The following ITGA9 variants were observed in gnomAD, a reference collection of about 807,000 sequenced individuals.
ITGA9 encodes the protein integrin subunit alpha 9.
ITGA9 carries 56 observed loss-of-function variants against 127.8 expected under a neutral mutation model. The ratio of observed to expected loss-of-function variants is 0.44; its 90% CI spans 0.35 to 0.55. The LOEUF (loss-of-function observed/expected upper bound fraction) is 0.55, where lower values mean the gene tolerates loss of function less well. Among genes scored for constraint, ITGA9 ranks in the 20% least tolerant of loss-of-function variants. ITGA9 has a pLI of 0.00. For missense variants in ITGA9, 1,196 were observed against 1,347.1 expected (o/e 0.89, Z 1.76); for synonymous variants, 508 against 514.5 (o/e 0.99, Z 0.17).
At chr3:37,518,471 G>A (rs928332774) in intron 10 of ITGA9, among the ~76,000 whole-genome samples, 149 of 152,224 alleles carry the variant, frequency 9.8e-4, no homozygotes, top group African/African-American at 3.4e-3. Flanking sequence ...GGAGTTGCCA[G>A]TTTGTGAGAG....
In ITGA9 at chr3:37,636,393, C is replaced by T. The variant is rs1248310262; in HGVS notation, c.1839+7057C>T. Among the ~76,000 whole-genome samples, 8 of 152,340 alleles carry T rather than the reference C, an allele frequency of 5.3e-5. No homozygotes were observed. The East Asian group carries it at 1.5e-3, about 29-fold the overall frequency. On this transcript the variant is annotated intron_variant, in intron 16 of 27. Coordinates refer to ENST00000264741, the MANE Select transcript of ITGA9 (RefSeq NM_002207.3). Reference sequence around the variant, plus strand: ...TTCTCTGATGGCCACTGATGATGAGCATTTCTTCATGTGTTTTTTGGCTGC... The same window carrying T: ...TTCTCTGATGGCCACTGATGATGAGTATTTCTTCATGTGTTTTTTGGCTGC...
In ITGA9 at chr3:37,471,051, C is replaced by T. The variant is rs998346207; in HGVS notation, c.230C>T (p.Ser77Leu). 1 of 1,614,080 alleles carries T rather than the reference C, an allele frequency of 6.2e-7. No individual in the cohort carries two copies. The highest frequency in any genetic ancestry group is 8.5e-7 in the Non-Finnish European group (1 of 1,179,952). Residue 77 changes from serine to leucine, a missense_variant, in exon 2 of 28, where the codon TCA (serine) becomes TTA (leucine). Transcript: ENST00000264741. ...AAGGCAGATTCCAAATACAGCCCTT[C>T]AGTGAAGTCTCCTGGGGCTGTGTTT... is the stretch of plus-strand genomic sequence containing the variant. ...APKADSKYSPSVKSPGAVFKC... is the reference protein window; with the variant it reads ...APKADSKYSPLVKSPGAVFKC...
intron 15 of ITGA9, among the ~76,000 whole-genome samples, chr3:37,578,377 T>C (rs560849827): frequency 3.9e-5 from 6 of 152,302 alleles, no homozygotes; most frequent in African/African-American, 1.4e-4. Flanking sequence ...GGGTCTTCAT[T>C]CCTAGAGGGA....
intron 15 of ITGA9, among the ~76,000 whole-genome samples, chr3:37,543,945 C>T (rs1030226583): frequency 6.6e-6 from 1 of 152,224 alleles, no homozygotes; most frequent in African/African-American, 2.4e-5. Flanking sequence ...ACAGCCCCGC[C>T]CCGTCAGTCT....
chr3:37,626,668 C>G (rs1276140036), intron 15 of ITGA9, among the ~76,000 whole-genome samples: 1 of 152,066 alleles, frequency 6.6e-6, no homozygotes, highest in Non-Finnish European at 1.5e-5. Context: ...GAGCAAGACT[C>G]TGTCTCAAAA....
intron 26 of ITGA9, among the ~76,000 whole-genome samples, chr3:37,796,075 T>C (rs994374684): frequency 6.6e-6 from 1 of 152,178 alleles, no homozygotes; most frequent in Admixed American, 6.5e-5. Flanking sequence ...GTTCATCCTG[T>C]TGGCTCCAGT....
At chr3:37,618,913 G>A (rs1700101308) in intron 15 of ITGA9, among the ~76,000 whole-genome samples, 1 of 152,130 alleles carries the variant, frequency 6.6e-6, no homozygotes. Context: ...TGCTTCCCAG[G>A]TGAGGTGATG....
At chr3:37,453,259 G>C (rs1200021738) in intron 1 of ITGA9, among the ~76,000 whole-genome samples, 1 of 152,206 alleles carries the variant, frequency 6.6e-6, no homozygotes, top group South Asian at 2.1e-4. Context: ...GAGAGCCTGA[G>C]TCTCATCTCA....
At chr3:37,557,047 GT>G (rs541999138) in intron 15 of ITGA9, among the ~76,000 whole-genome samples, 1 of 152,160 alleles carries the variant, frequency 6.6e-6, no homozygotes, top group Non-Finnish European at 1.5e-5. Flanking sequence ...CTTTTCAGCA[GT>G]TTTTTTAAAC....
intron 18 of ITGA9, among the ~76,000 whole-genome samples, chr3:37,717,735 G>A (rs1267941161): frequency 1.3e-5 from 2 of 152,166 alleles, no homozygotes; most frequent in African/African-American, 4.8e-5. Flanking sequence ...GATTTGGGTA[G>A]GGACACAAAT....
intron 15 of ITGA9, among the ~76,000 whole-genome samples, chr3:37,565,979 A>G (rs929180527): frequency 3.9e-5 from 6 of 152,196 alleles, no homozygotes; most frequent in African/African-American, 1.2e-4. Context: ...AAATCTCACT[A>G]TGTCCATGCC....
chr3:37,667,093 G>A (rs1700593161), intron 17 of ITGA9, among the ~76,000 whole-genome samples: 1 of 152,154 alleles, frequency 6.6e-6, no homozygotes, highest in African/African-American at 2.4e-5. Flanking sequence ...GAGTGTGGGA[G>A]GGGATGGCAG....
At chr3:37,754,843 G>T (rs1159236039) in intron 23 of ITGA9, among the ~76,000 whole-genome samples, 1 of 152,064 alleles carries the variant, frequency 6.6e-6, no homozygotes, top group African/African-American at 2.4e-5. Context: ...GTTGATGTGG[G>T]AACTTCAATT....
At chr3:37,526,121 A>G (rs774338958) in intron 13 of ITGA9, 50 bp downstream of exon 13, 2 of 1,509,950 alleles carry the variant, frequency 1.3e-6, no homozygotes, top group Non-Finnish European at 1.8e-6. Context: ...AGGGTGAGGG[A>G]TGGAGCCATT....
intron 23 of ITGA9, among the ~76,000 whole-genome samples, chr3:37,752,233 C>T (rs986020228): frequency 1.3e-5 from 2 of 152,200 alleles, no homozygotes; most frequent in Admixed American, 6.5e-5. Context: ...TGACGGTTTC[C>T]ACTTTGGCCT....
intron 16 of ITGA9, among the ~76,000 whole-genome samples, chr3:37,634,826 C>T (rs1221044324): frequency 6.6e-6 from 1 of 152,192 alleles, no homozygotes; most frequent in Non-Finnish European, 1.5e-5. Flanking sequence ...ATGGAACACT[C>T]TCCAGGATGG....
chr3:37,512,120 C>CTTTCTTTTCTTTTCT (rs1176263183), intron 8 of ITGA9, among the ~76,000 whole-genome samples: 49 of 39,460 alleles, frequency 1.2e-3, no homozygotes, highest in Non-Finnish European at 1.8e-3. Context: ...TTCCTTCCTT[C>CTTTCTTTTCTTTTCT]TTTCTTTTCT....
intron 23 of ITGA9, among the ~76,000 whole-genome samples, chr3:37,758,843 C>T (rs1198967954): frequency 6.6e-6 from 1 of 151,962 alleles, no homozygotes; most frequent in Non-Finnish European, 1.5e-5. Flanking sequence ...CTTGTGAATA[C>T]AGAAGGTAAG....
At chr3:37,637,659 A>ATG (rs143043051) in intron 16 of ITGA9, among the ~76,000 whole-genome samples, 4 of 150,832 alleles carry the variant, frequency 2.7e-5, no homozygotes, top group Admixed American at 2.6e-4. Context: ...CCAGCAAACT[A>ATG]TGTTTTTGTT....
Sources: gnomAD v4.1 joint callset for allele counts (sites outside exome capture counted in the v4.1 genomes callset) on GRCh38, gnomAD v4.1.1 for gene constraint, MANE v1.5 for transcripts, NCBI Gene and HGNC (gene_info 2026-07-23, HGNC 2026-07-21) for gene names.